Variants in CACNA2D2 observed in about 807,000 individuals in gnomAD.
The protein encoded by CACNA2D2 is voltage-dependent calcium channel subunit alpha-2/delta-2.
CACNA2D2 carries 48 observed loss-of-function variants against 166.4 expected under a neutral mutation model. The observed-to-expected ratio is 0.29, with a 90% CI of 0.23 to 0.37. The LOEUF is 0.37. Ranked by LOEUF, CACNA2D2 falls within the 10% of genes least tolerant of loss-of-function variation. The pLI is 1.00. For synonymous variants in CACNA2D2, 561 were observed against 573.7 expected (o/e 0.98, Z 0.32); for missense variants, 1,122 against 1,433.0 (o/e 0.78, Z 3.50).
chr3:50,438,323 C>T (rs1232382113), intron 2 of CACNA2D2, among the ~76,000 whole-genome samples: 2 of 152,162 alleles, frequency 1.3e-5, no homozygotes, highest in Admixed American at 6.5e-5. Context: ...TCCACCTCTC[C>T]CCTCCCCCAG....
intron 16 of CACNA2D2, 91 bp from the exon 17 acceptor site, chr3:50,377,632 G>T (rs1559887910): frequency 1.3e-6 from 2 of 1,558,604 alleles, no homozygotes; most frequent in East Asian, 2.2e-5. Flanking sequence ...CACAGGCAGT[G>T]TGCAGGCCTG....
In CACNA2D2 at chr3:50,503,443, C is replaced by A; in HGVS notation, c.-20G>T. 5.6e-6 allele frequency: 1 copy of A among 178,948 alleles called. No individual in the cohort carries two copies. The highest frequency in any genetic ancestry group is 1.1e-5 in the Non-Finnish European group (1 of 90,464). 11.1% of individuals were successfully genotyped at this position (178,948 alleles called of 1,614,324 possible). On this transcript the variant is annotated 5_prime_UTR_variant, in exon 1 of 38. Coordinates refer to ENST00000424201, the MANE Select transcript of CACNA2D2 (RefSeq NM_006030.4). ...CGCCATGTTTCCATTCAAGATGCGG[C>A]GCCGCGGGGAGGGGGGGCAGTGGCG...
chr3:50,364,837 T>C, intron 37 of CACNA2D2, 31 bp from the exon 38 acceptor site: 1 of 1,613,070 alleles, frequency 6.2e-7, no homozygotes, highest in Non-Finnish European at 8.5e-7. Context: ...CTGGTCGGCC[T>C]GGGCGGGCGC....
At chr3:50,479,193 C>G (rs185615147) in intron 1 of CACNA2D2, among the ~76,000 whole-genome samples, 59 of 152,298 alleles carry the variant, frequency 3.9e-4, no homozygotes, top group African/African-American at 1.3e-3. Flanking sequence ...CTCTCTCTTA[C>G]GCACAGTCTC....
In CACNA2D2 at chr3:50,434,342, G is replaced by A; in HGVS notation, c.376C>T (p.Leu126Phe). The change falls in exon 3 of 38, where the codon CTT becomes TTT. Residue 126 changes from leucine to phenylalanine, a missense_variant. Coordinates refer to ENST00000424201, the MANE Select transcript of CACNA2D2 (RefSeq NM_006030.4). ...VEKVAGDIES[L>F]LDRKVQALKR... ...AGGGCCTGCACCTTCCTGTCCAGAA[G>A]GCTCTCAATGTCCCCTGCCACCTTC... 1 of 1,613,968 alleles carries A rather than the reference G, an allele frequency of 6.2e-7. No homozygotes were observed. The highest frequency in any genetic ancestry group is 1.1e-5 in the South Asian group (1 of 91,076).
At chr3:50,383,974 A>G (rs1705456367) in intron 6 of CACNA2D2, among the ~76,000 whole-genome samples, 1 of 152,214 alleles carries the variant, frequency 6.6e-6, no homozygotes, top group African/African-American at 2.4e-5. Context: ...ATAGAGGCTC[A>G]GTGTTTTGCA....
intron 1 of CACNA2D2, among the ~76,000 whole-genome samples, chr3:50,487,988 G>A (rs992009703): frequency 9.2e-5 from 14 of 152,274 alleles, no homozygotes; most frequent in African/African-American, 2.2e-4. Flanking sequence ...TACCTGATCC[G>A]GATTGGGGCC....
chr3:50,394,197 A>C (rs767246279), intron 3 of CACNA2D2, 29 bp from the exon 4 acceptor site: 1 of 1,607,430 alleles, frequency 6.2e-7, no homozygotes, highest in Non-Finnish European at 8.5e-7. Context: ...GGAGGTCAGA[A>C]GCGGAGGAAG....
At chr3:50,440,309 C>T (rs1267217208) in intron 2 of CACNA2D2, among the ~76,000 whole-genome samples, 1 of 152,236 alleles carries the variant, frequency 6.6e-6, no homozygotes, top group Admixed American at 6.5e-5. Flanking sequence ...GGCACACTAT[C>T]GGTGCCCAGG....
At position 50,478,873 on chromosome 3, in the gene CACNA2D2, C is replaced by T. The variant is rs533832483; in HGVS notation, c.207-2674G>A. Among the ~76,000 whole-genome samples, 5 of 152,286 alleles carry T rather than the reference C, an allele frequency of 3.3e-5. No homozygotes were observed. In the East Asian group the frequency reaches 9.6e-4, roughly 29 times the overall value. On this transcript the variant is annotated intron_variant, in intron 1 of 37. Coordinates refer to ENST00000424201, the MANE Select transcript of CACNA2D2 (RefSeq NM_006030.4). ...GGCAAATGCTAGAAACCATGTTTTT[C>T]CCCCTGGAGAACAAATTGTAAACAT... is the stretch of plus-strand genomic sequence containing the variant.
intron 16 of CACNA2D2, 21 bp downstream of exon 16, chr3:50,377,711 C>G (rs762991311): frequency 6.2e-7 from 1 of 1,606,686 alleles, no homozygotes; most frequent in Non-Finnish European, 8.5e-7. Context: ...ACCCATAGCC[C>G]CAACCCTCCC....
At chr3:50,424,936 G>T (rs1707739138) in intron 3 of CACNA2D2, among the ~76,000 whole-genome samples, 1 of 152,062 alleles carries the variant, frequency 6.6e-6, no homozygotes, top group Non-Finnish European at 1.5e-5. Context: ...CCCTACCTGG[G>T]TCTGTGGCAC....
chr3:50,478,220 C>G (rs1697884012), intron 1 of CACNA2D2, among the ~76,000 whole-genome samples: 1 of 152,226 alleles, frequency 6.6e-6, no homozygotes, highest in African/African-American at 2.4e-5. Flanking sequence ...CAGGCCTCAG[C>G]TGCCAGCCTG....
Position 50,367,540 on chromosome 3 carries a change from G to A in CACNA2D2, c.2298-43C>T. The A allele has an allele frequency of 6.2e-7, 1 of 1,608,242 alleles. No individual in the cohort carries two copies. Among genetic ancestry groups the A allele is most frequent in the South Asian group, 1.1e-5 (1 of 90,914 alleles). ...CAGACTGGTAGGTAAGGGGTGGCTT[G>A]TCGGGGACAGTGGTCTCCACAGATG... On this transcript the variant is annotated intron_variant, in intron 26 of 37. Transcript: ENST00000424201. The surrounding 1 kb of genome is among the most constrained non-coding windows in gnomAD (Gnocchi z 6.5).
chr3:50,398,652 C>T (rs1706278711), intron 3 of CACNA2D2, among the ~76,000 whole-genome samples: 1 of 152,152 alleles, frequency 6.6e-6, no homozygotes, highest in Admixed American at 6.5e-5. Context: ...GTAAGGGCTG[C>T]CCATGGCGAT....
At chr3:50,392,870 G>A (rs1469384915) in intron 4 of CACNA2D2, among the ~76,000 whole-genome samples, 1 of 152,214 alleles carries the variant, frequency 6.6e-6, no homozygotes, top group African/African-American at 2.4e-5. Context: ...AAGGGGGACT[G>A]GTTTGGGGAG....
chr3:50,499,537 A>G (rs966110410), intron 1 of CACNA2D2, among the ~76,000 whole-genome samples: 2 of 152,210 alleles, frequency 1.3e-5, no homozygotes, highest in African/African-American at 4.8e-5. Context: ...TGGAGCCTGC[A>G]AAGTCTACAC....
In CACNA2D2 at chr3:50,367,945, C is replaced by T. The variant is rs1006763490; in HGVS notation, c.2144-43G>A. 2 of 1,389,448 alleles carry T rather than the reference C, an allele frequency of 1.4e-6. No individual in the cohort carries two copies. The highest frequency in any genetic ancestry group is 1.0e-6 in the Non-Finnish European group (1 of 991,690). The allele number at this position is 1,389,448 out of a possible 1,614,324, so 86.1% of individuals were successfully genotyped here. A position where few individuals can be genotyped will look rare whatever the true frequency, so the allele number is the denominator to read the frequency against. On this transcript the variant is annotated intron_variant, in intron 24 of 37. Transcript: ENST00000424201. The surrounding 1 kb of genome is among the most constrained non-coding windows in gnomAD (Gnocchi z 6.5). Reference sequence around the variant, plus strand: ...GGGTGGGGGTGGGGGCATCTTCTTGCAGCTCCTTGCCCACCCTCACCCCCA... The same window carrying T: ...GGGTGGGGGTGGGGGCATCTTCTTGTAGCTCCTTGCCCACCCTCACCCCCA...
intron 2 of CACNA2D2, among the ~76,000 whole-genome samples, chr3:50,444,039 G>T (rs1708730017): frequency 6.6e-6 from 1 of 152,202 alleles, no homozygotes; most frequent in Non-Finnish European, 1.5e-5. Context: ...AGACGGAATT[G>T]AGGCCAGGAA....
Sources: gnomAD v4.1 joint callset for allele counts (sites outside exome capture counted in the v4.1 genomes callset) on GRCh38, gnomAD v4.1.1 for gene constraint, Gnocchi (gnomAD v3.1) non-coding constraint, MANE v1.5 for transcripts, NCBI Gene and HGNC (gene_info 2026-07-23, HGNC 2026-07-21) for gene names.